The following GTF2H3 variants were observed in gnomAD, a reference collection of about 807,000 sequenced individuals.
GTF2H3 encodes the protein general transcription factor IIH subunit 3.
A neutral mutation model predicts 51.1 loss-of-function variants in GTF2H3; 42 were observed. The ratio of observed to expected loss-of-function variants is 0.82; its 90% CI spans 0.64 to 1.06. The LOEUF is 1.06. Ranked by LOEUF, GTF2H3 falls within the 50% of genes least tolerant of loss-of-function variation. The pLI is 0.00. For synonymous variants in GTF2H3, 123 were observed against 123.8 expected (o/e 0.99, Z 0.04); for missense variants, 326 against 366.1 (o/e 0.89, Z 0.89).
At chr12:123,643,404 G>A (rs1435068775) in intron 2 of GTF2H3, among the ~76,000 whole-genome samples, 1 of 152,172 alleles carries the variant, frequency 6.6e-6, no homozygotes, top group Non-Finnish European at 1.5e-5. Flanking sequence ...ACATCCGCCA[G>A]CACATCACTG....
rs772765644 is a variant in GTF2H3 at position 123,659,571 on chromosome 12, T to G, written c.671T>G (p.Leu224Arg). The G allele has an allele frequency of 1.3e-4, 214 of 1,613,848 alleles. No homozygotes were observed. The highest frequency in any genetic ancestry group is 1.8e-4 in the Non-Finnish European group (209 of 1,179,914). The change falls in exon 10 of 13, where the codon CTG becomes CGG. Residue 224 changes from leucine (L) to arginine (R), a missense_variant. Leu to Arg is a moderately radical substitution (Grantham distance 102, BLOSUM62 -2). Transcript: ENST00000543341. ...AAGGTGCCTCAGATGCCTTCTCTTC[T>G]GCAGTATTTGCTGGTAAGGAGACAG... Reference protein sequence around the residue: ...YLKVPQMPSLLQYLLWVFLPD... With the variant: ...YLKVPQMPSLRQYLLWVFLPD...
Position 123,647,977 on chromosome 12 carries a change from C to T in GTF2H3, c.215C>T (p.Pro72Leu). 6.2e-7 allele frequency: 1 copy of T among 1,613,382 alleles called. No homozygotes were observed. Among genetic ancestry groups the T allele is most frequent in the Non-Finnish European group, 8.5e-7 (1 of 1,179,696 alleles). ...TGCTGTTTCAGCCGATTCTTATATC[C>T]TGGAAAGAATGGCAGACTTGGAGAC... Reference protein sequence around the residue: ...SHIQESRFLYPGKNGRLGDFF... With the variant: ...SHIQESRFLYLGKNGRLGDFF... Residue 72 changes from proline (P) to leucine (L), a missense_variant, in exon 4 of 13, where the codon CCT becomes CTT. Transcript: ENST00000543341.
At chr12:123,655,868 A>T (rs1392031964) in intron 9 of GTF2H3, 44 bp downstream of exon 9, 1 of 1,230,282 alleles carries the variant, frequency 8.1e-7, no homozygotes, top group Non-Finnish European at 1.2e-6. Flanking sequence ...TATGACAATT[A>T]GTGATTTTTA....
intron 9 of GTF2H3, among the ~76,000 whole-genome samples, chr12:123,658,538 C>T (rs1384027285): frequency 6.6e-6 from 1 of 152,152 alleles, no homozygotes; most frequent in African/African-American, 2.4e-5. Context: ...CACTATGTTG[C>T]TCAGGCTGGT....
At position 123,659,782 on chromosome 12, in the gene GTF2H3, G is replaced by A; in HGVS notation, c.685-13G>A. On this transcript the variant is annotated splice_polypyrimidine_tract_variant and intron_variant, in intron 10 of 12. Coordinates refer to ENST00000543341, the MANE Select transcript of GTF2H3 (RefSeq NM_001516.5). Reference sequence around the variant, plus strand: ...TTTTAAATAAAAGTTTCTTTTGTTTGTTTGTTTTACAGTGGGTGTTTCTTC... The same window carrying A: ...TTTTAAATAAAAGTTTCTTTTGTTTATTTGTTTTACAGTGGGTGTTTCTTC... The A allele has an allele frequency of 6.2e-7, 1 of 1,603,914 alleles. No individual in the cohort carries two copies. The highest frequency in any genetic ancestry group is 1.7e-5 in the Admixed American group (1 of 57,450).
intron 7 of GTF2H3, among the ~76,000 whole-genome samples, 154 bp downstream of exon 7, chr12:123,652,889 C>G (rs1486104763): frequency 1.3e-5 from 2 of 152,004 alleles, no homozygotes; most frequent in African/African-American, 2.4e-5. Flanking sequence ...ACCAGCCTGG[C>G]CAACATGGTG....
Position 123,659,555 on chromosome 12 carries a change from C to T in GTF2H3, c.655C>T (p.Gln219Ter). ...ITGGLYLKVP[Q>*]MPSLLQYLLW... ...GGGAGGACTGTACCTGAAGGTGCCT[C>T]AGATGCCTTCTCTTCTGCAGTATTT... The change falls in exon 10 of 13, where the codon CAG (glutamine) becomes TAG (stop). Residue 219 changes from glutamine (Q) to a stop codon, truncating the protein, a stop_gained. Transcript: ENST00000543341. LOFTEE classifies it high-confidence loss of function. The T allele has an allele frequency of 6.2e-7, 1 of 1,614,100 alleles. No homozygotes were observed. The highest frequency in any genetic ancestry group is 2.2e-5 in the East Asian group (1 of 44,874).
At chr12:123,633,898 C>A (rs1593786900) in intron 1 of GTF2H3, 26 bp downstream of exon 1, 4 of 1,612,442 alleles carry the variant, frequency 2.5e-6, no homozygotes, top group Non-Finnish European at 3.4e-6. Context: ...GGCGGGACTT[C>A]GACTCCGGGG....
chr12:123,643,601 G>A (rs185511471), intron 2 of GTF2H3, among the ~76,000 whole-genome samples: 1 of 152,132 alleles, frequency 6.6e-6, no homozygotes, highest in East Asian at 1.9e-4. Flanking sequence ...TTTCTCTCTT[G>A]GGACATCACC....
chr12:123,657,887 G>C (rs1955606970), intron 9 of GTF2H3, among the ~76,000 whole-genome samples: 2 of 152,282 alleles, frequency 1.3e-5, no homozygotes, highest in East Asian at 3.9e-4. Context: ...AAGCGAGAAA[G>C]CTGTGTTTAT....
chr12:123,659,367 A>G (rs1955625047), intron 9 of GTF2H3, 149 bp from the exon 10 acceptor site: 1 of 676,530 alleles, frequency 1.5e-6, no homozygotes, highest in Non-Finnish European at 2.6e-6. Flanking sequence ...ACTCTGTCAA[A>G]ATATAAAAAT....
chr12:123,652,494 A>G, intron 5 of GTF2H3, 38 bp from the exon 6 acceptor site: 1 of 1,162,394 alleles, frequency 8.6e-7, no homozygotes, highest in Non-Finnish European at 1.2e-6. Flanking sequence ...TATGAAGCAA[A>G]ATAATATTTT....
At chr12:123,652,256 C>A (rs1955529614) in intron 5 of GTF2H3, among the ~76,000 whole-genome samples, 1 of 152,124 alleles carries the variant, frequency 6.6e-6, no homozygotes, top group African/African-American at 2.4e-5. Flanking sequence ...AAATTTAGGA[C>A]ATGGTAGGTA....
rs191662392 is a variant in GTF2H3, at chr12:123,642,522, C to T, written c.94-2933C>T. Reference sequence around the variant, plus strand: ...CAAAAAAGATCATGTACACATGTACCAGAAGTTAGGACTTGAACATATCTT... The same window carrying T: ...CAAAAAAGATCATGTACACATGTACTAGAAGTTAGGACTTGAACATATCTT... On this transcript the variant is annotated intron_variant, in intron 2 of 12. Transcript: ENST00000543341. 1.6e-4 allele frequency among the ~76,000 whole-genome samples: 24 copies of T among 152,246 alleles called. No homozygotes were observed. The East Asian group carries it at 4.2e-3, about 27-fold the overall frequency.
At chr12:123,655,088 C>T (rs1444231434) in intron 8 of GTF2H3, 90 bp downstream of exon 8, 2 of 948,186 alleles carry the variant, frequency 2.1e-6, no homozygotes, top group African/African-American at 3.2e-5. Context: ...GGTATTCTGA[C>T]TACGTAGGCT....
At position 123,655,787 on chromosome 12, in the gene GTF2H3, C is replaced by A; in HGVS notation, c.578C>A (p.Ala193Asp). The change falls in exon 9 of 13, where the codon GCC (alanine) becomes GAC (aspartate). Residue 193 changes from alanine to aspartate, a missense_variant. Physicochemically the swap from Ala to Asp is moderately radical, Grantham distance 126. Transcript: ENST00000543341. ...TTCTTTTAGAATATTTTGATTGATG[C>A]CTGTGTTTTAGACTCCGACTCAGGG... is the stretch of plus-strand genomic sequence containing the variant. ...AAQKQNILID[A>D]CVLDSDSGLL... 2 of 1,586,354 alleles carry A rather than the reference C, an allele frequency of 1.3e-6. No homozygotes were observed. Among genetic ancestry groups the A allele is most frequent in the Non-Finnish European group, 8.6e-7 (1 of 1,156,400 alleles).
At chr12:123,648,152 T>C (rs931383962) in intron 4 of GTF2H3, 26 bp downstream of exon 4, 6 of 1,510,974 alleles carry the variant, frequency 4.0e-6, no homozygotes, top group Non-Finnish European at 5.5e-6. Context: ...CATTGTTATT[T>C]TGCAAATAGT....
At chr12:123,648,215 T>C in intron 4 of GTF2H3, 89 bp downstream of exon 4, 1 of 842,362 alleles carries the variant, frequency 1.2e-6, no homozygotes, top group Non-Finnish European at 1.9e-6. Flanking sequence ...AGGTTCTTTA[T>C]GTTGTATGCC....
intron 3 of GTF2H3, 75 bp downstream of exon 3, chr12:123,645,636 G>A (rs560775605): frequency 2.6e-6 from 2 of 765,634 alleles, no homozygotes. Flanking sequence ...GGCATGTATT[G>A]TTCCTACTCC....
Sources: gnomAD v4.1 joint callset for allele counts (sites outside exome capture counted in the v4.1 genomes callset) on GRCh38, gnomAD v4.1.1 for gene constraint, MANE v1.5 for transcripts, NCBI Gene and HGNC (gene_info 2026-07-23, HGNC 2026-07-21) for gene names.